Variants in DDX5 observed in about 807,000 individuals in gnomAD.
DDX5 encodes the protein probable ATP-dependent RNA helicase DDX5.
A neutral mutation model predicts 68.6 loss-of-function variants in DDX5; 6 were observed. The observed-to-expected ratio is 0.09, with a 90% CI of 0.05 to 0.17. The LOEUF is 0.17. Ranked by LOEUF, DDX5 falls within the 10% of genes least tolerant of loss-of-function variation. The pLI is 1.00. For synonymous variants in DDX5, 350 were observed against 247.0 expected, an observed-to-expected ratio of 1.42 and a Z score of -3.91; for missense variants, 499 against 756.1, an observed-to-expected ratio of 0.66 and a Z score of 3.99.
chr17:64,505,919 A>T (rs1368532328), intron 1 of DDX5, 157 bp downstream of exon 1: 2 of 1,534,328 alleles, frequency 1.3e-6, no homozygotes, highest in Non-Finnish European at 1.7e-6. Context: ...AATCACTGTG[A>T]CGTGAATATC....
chr17:64,505,767 G>A (rs2038472624), intron 1 of DDX5: 3 of 1,536,138 alleles, frequency 2.0e-6, no homozygotes, highest in South Asian at 1.2e-5. Flanking sequence ...TCCTTCGTCT[G>A]CCTCGAAGCG....
chr17:64,500,325 A>C lies in DDX5; in HGVS notation c.1443T>G (p.Gly481=). ...LLQLVEDRGS[G]RSRGRGGMKD... is the part of the protein sequence containing the mutation. ...TCATGCCTCCTCTACCCCTGGAACG[A>C]CCTGTCAAGAAAACAATTGCAAATT... The change falls in exon 13 of 13, where the codon GGT becomes GGG. Residue 481 remains glycine, a splice_region_variant and synonymous_variant. Coordinates refer to ENST00000225792, the MANE Select transcript of DDX5 (RefSeq NM_004396.5). The C allele has an allele frequency of 6.3e-7, 1 of 1,599,774 alleles. No individual in the cohort carries two copies. Among genetic ancestry groups the C allele is most frequent in the Non-Finnish European group, 8.5e-7 (1 of 1,172,522 alleles).
upstream of DDX5, chr17:64,506,819 C>T: frequency 3.4e-6 from 2 of 582,094 alleles, no homozygotes; most frequent in Non-Finnish European, 6.2e-6. Context: ...CCGTCCGACC[C>T]GCGTGTCTGA....
At chr17:64,506,032 A>AAACCCCC in intron 1 of DDX5, 44 bp downstream of exon 1, 5 of 442,492 alleles carry the variant, frequency 1.1e-5, no homozygotes, top group Non-Finnish European at 1.6e-5. Context: ...CCGCCCTCCC[A>AAACCCCC]TCCCCCCACC....
intron 1 of DDX5, chr17:64,505,200 A>G (rs977636163): frequency 5.3e-5 from 14 of 263,926 alleles, no homozygotes; most frequent in African/African-American, 2.9e-4. Context: ...ACTATCAGCA[A>G]TAACAAGGCT....
Position 64,500,787 on chromosome 17 carries a change from C to T in DDX5, c.1217-14G>A, listed in dbSNP as rs782300442. 6.3e-7 allele frequency: 1 copy of T among 1,593,958 alleles called. No homozygotes were observed. Among genetic ancestry groups the T allele is most frequent in the South Asian group, 1.1e-5 (1 of 90,650 alleles). On this transcript the variant is annotated splice_polypyrimidine_tract_variant and intron_variant, in intron 11 of 12. Transcript: ENST00000225792. The stretch of plus-strand genomic sequence containing the variant: ...CATCTTCCACATCTGTAAGGTGTTG[C>T]AGTGTGGCAAAATAGCAATGTACGG...
rs1365128631 is a variant in DDX5 at position 64,500,813 on chromosome 17, A to G, written c.1217-40T>C. ...AGTGTGGCAAAATAGCAATGTACGGAGTTTTGCACACCACAACAGCCAGAC... is the reference window on the plus strand; with the variant it reads ...AGTGTGGCAAAATAGCAATGTACGGGGTTTTGCACACCACAACAGCCAGAC... On this transcript the variant is annotated intron_variant, in intron 11 of 12. Transcript: ENST00000225792. 2.1e-6 allele frequency: 3 copies of G among 1,439,434 alleles called. No individual in the cohort carries two copies. In the Admixed American group the frequency reaches 5.0e-5, roughly 24 times the overall value. 89.2% of individuals were successfully genotyped at this position (1,439,434 alleles called of 1,614,324 possible). A position where few individuals can be genotyped will look rare whatever the true frequency, so the allele number is the denominator to read the frequency against.
chr17:64,503,912 T>C, intron 4 of DDX5, 44 bp from the exon 5 acceptor site: 1 of 1,613,108 alleles, frequency 6.2e-7, no homozygotes, highest in South Asian at 1.1e-5. Context: ...CACATTAAAA[T>C]ACTCGTTTTT....
At chr17:64,506,388 G>C, upstream of DDX5, 6 of 1,405,536 alleles carry the variant, frequency 4.3e-6, no homozygotes, top group Non-Finnish European at 5.6e-6. Flanking sequence ...CCCGCCCCTC[G>C]CGCATAGGCC....
rs1296349857 is a variant in DDX5, at chr17:64,498,627, C to A, written c.*1296G>T. 6.6e-6 allele frequency among the ~76,000 whole-genome samples: 1 copy of A among 152,092 alleles called. No homozygotes were observed. Among genetic ancestry groups the A allele is most frequent in the Non-Finnish European group, 1.5e-5 (1 of 68,018 alleles). On this transcript the variant is annotated 3_prime_UTR_variant, in exon 13 of 13. Coordinates refer to ENST00000225792, the MANE Select transcript of DDX5 (RefSeq NM_004396.5). ...TTCTAACTTTACATTTGACATAAGG[C>A]ATTAACATCAATTAAAGCCTCAGTT... is the stretch of plus-strand genomic sequence containing the variant.
upstream of DDX5, chr17:64,506,615 C>G: frequency 2.5e-6 from 1 of 393,012 alleles, no homozygotes; most frequent in Non-Finnish European, 4.7e-6. Flanking sequence ...CTCCAAAGAG[C>G]CCTCACGTCT....
rs544762345 is a variant in DDX5, at chr17:64,502,519, A to C, written c.1014T>G (p.Ser338Arg). The change falls in exon 9 of 13, where the codon AGT (serine) becomes AGG (arginine). Residue 338 changes from serine to arginine, a missense_variant. Ser to Arg is a moderately radical substitution (Grantham distance 110). Transcript: ENST00000225792. ...KLIRLMEEIM[S>R]EKENKTIVFV... ...AAACAATGGTTTTATTCTCCTTCTC[A>C]CTCATGATCTCTTCCATTAGACGAA... 6.2e-7 allele frequency: 1 copy of C among 1,613,266 alleles called. No homozygotes were observed. Among genetic ancestry groups the C allele is most frequent in the Non-Finnish European group, 8.5e-7 (1 of 1,179,532 alleles).
chr17:64,502,624 CA>C, intron 8 of DDX5, 75 bp from the exon 9 acceptor site: 1 of 1,086,858 alleles, frequency 9.2e-7, no homozygotes, highest in Non-Finnish European at 1.4e-6. Context: ...TTATGGTCAG[CA>C]AAACATTAAG....
rs2038212805 is a variant in DDX5, at chr17:64,498,590, A to C, written c.*1333T>G. Among the ~76,000 whole-genome samples the C allele has an allele frequency of 6.6e-6, 1 of 152,216 alleles. No individual in the cohort carries two copies. Among genetic ancestry groups the C allele is most frequent in the Non-Finnish European group, 1.5e-5 (1 of 68,036 alleles). On this transcript the variant is annotated 3_prime_UTR_variant, in exon 13 of 13. Transcript: ENST00000225792. ...TCCTAGAAATATCACTCCCTATCCC[A>C]GCCCTAGCAAATTCTAACTTTACAT...
chr17:64,503,937 T>G, intron 4 of DDX5, 46 bp downstream of exon 4: 1 of 1,613,812 alleles, frequency 6.2e-7, no homozygotes, highest in South Asian at 1.1e-5. Flanking sequence ...TACCATTACA[T>G]TTTCTTGCAT....
Position 64,502,327 on chromosome 17 carries a change from A to C in DDX5, c.1095-104T>G, listed in dbSNP as rs972202100. On this transcript the variant is annotated intron_variant, in intron 9 of 12. Transcript: ENST00000225792. ...GATCTCTTTAATTTCGCCAGAAATG[A>C]AAAAGTTAAATTCACTATCAGATAT... 6.7e-6 allele frequency: 10 copies of C among 1,482,958 alleles called. No homozygotes were observed. In the South Asian group the frequency reaches 1.0e-4, roughly 15 times the overall value. 91.9% of individuals were successfully genotyped at this position (1,482,958 alleles called of 1,614,324 possible). A position where few individuals can be genotyped will look rare whatever the true frequency, so the allele number is the denominator to read the frequency against.
chr17:64,502,760 G>T, intron 8 of DDX5, 166 bp downstream of exon 8: 1 of 770,284 alleles, frequency 1.3e-6, no homozygotes, highest in Non-Finnish European at 2.0e-6. Context: ...AGCTATAAAT[G>T]GTGACAGCCA....
chr17:64,505,739 G>T, intron 1 of DDX5: 1 of 1,536,018 alleles, frequency 6.5e-7, no homozygotes, highest in Non-Finnish European at 8.7e-7. Context: ...CTCCCGAAAC[G>T]CCGCACCTAA....
At chr17:64,505,930 A>T (rs1378666699) in intron 1 of DDX5, 146 bp downstream of exon 1, 12 of 1,534,194 alleles carry the variant, frequency 7.8e-6, no homozygotes, top group Non-Finnish European at 1.0e-5. Flanking sequence ...CGTGAATATC[A>T]AAATGGCGCA....
Sources: allele counts gnomAD v4.1 joint callset (sites outside exome capture counted in the v4.1 genomes callset), GRCh38; gene constraint gnomAD v4.1.1; transcripts MANE v1.5; gene names NCBI Gene and HGNC (gene_info 2026-07-23, HGNC 2026-07-21).